The following BIN1 variants were observed in gnomAD, a reference collection of about 807,000 sequenced individuals.
BIN1 encodes bridging integrator 1, also known as myc box-dependent-interacting protein 1.
Under a neutral mutation model 82.0 loss-of-function variants are expected in BIN1, and 53 were observed. The ratio of observed to expected loss-of-function variants is 0.65; its 90% CI spans 0.52 to 0.81. The LOEUF (loss-of-function observed/expected upper bound fraction) is 0.81. Among genes scored for constraint, BIN1 ranks in the 40% least tolerant of loss-of-function variants. The pLI is 0.00. For synonymous variants in BIN1, 302 were observed against 328.0 expected, an observed-to-expected ratio of 0.92 and a Z score of 0.86; for missense variants, 642 against 784.4, an observed-to-expected ratio of 0.82 and a Z score of 2.17.
At chr2:127,072,454 C>T (rs1367108868) in intron 2 of BIN1, among the ~76,000 whole-genome samples, 2 of 152,224 alleles carry the variant, frequency 1.3e-5, no homozygotes, top group Non-Finnish European at 2.9e-5. Flanking sequence ...CCCTCCAAGC[C>T]TGGGCACGCA....
chr2:127,072,428 C>T lies in BIN1; in HGVS notation c.166-1612G>A, dbSNP rs572763608. On this transcript the variant is annotated intron_variant, in intron 2 of 18. Transcript: ENST00000316724. ...CGACCGGCCCAGTCACACAGAGACT[C>T]GGAGAGCCCATGAGACCCTCCAAGC... Among the ~76,000 whole-genome samples the T allele has an allele frequency of 5.7e-4, 87 of 152,292 alleles. No individual in the cohort carries two copies. The South Asian group carries it at 0.016, about 28-fold the overall frequency.
intron 18 of BIN1, 184 bp downstream of exon 18, chr2:127,050,237 G>A: frequency 1.5e-6 from 1 of 656,120 alleles, no homozygotes; most frequent in Non-Finnish European, 2.8e-6. Flanking sequence ...GCCAAGGGAA[G>A]GGAGAGGAGA....
At chr2:127,085,271 G>A (rs996289728) in intron 1 of BIN1, among the ~76,000 whole-genome samples, 7 of 152,150 alleles carry the variant, frequency 4.6e-5, no homozygotes, top group Non-Finnish European at 1.0e-4. Context: ...CAGGAAGCAA[G>A]CCCAGAACAC....
intron 16 of BIN1, 28 bp from the exon 17 acceptor site, chr2:127,050,940 G>T: frequency 6.2e-7 from 1 of 1,607,422 alleles, no homozygotes; most frequent in Non-Finnish European, 8.5e-7. Context: ...GGTCAGCTGA[G>T]CAGGGAGGTG....
At chr2:127,053,771 G>T in intron 13 of BIN1, 134 bp downstream of exon 13, 1 of 875,396 alleles carries the variant, frequency 1.1e-6, no homozygotes, top group Non-Finnish European at 1.8e-6. Flanking sequence ...GGTGATGAGG[G>T]CTGAAGGCTG....
At chr2:127,073,880 G>A (rs1686246731) in intron 2 of BIN1, among the ~76,000 whole-genome samples, 1 of 152,162 alleles carries the variant, frequency 6.6e-6, no homozygotes, top group Non-Finnish European at 1.5e-5. Context: ...CAGTACTCTG[G>A]GGGAGGGGCA....
chr2:127,048,738 G>A (rs1682493681), intron 18 of BIN1, 105 bp from the exon 19 acceptor site: 1 of 1,083,728 alleles, frequency 9.2e-7, no homozygotes, highest in Non-Finnish European at 1.4e-6. Context: ...TCCTCCTGCT[G>A]TTGGTGCCTC....
Position 127,068,394 on chromosome 2 carries a change from C to A in BIN1, c.520-139G>T. 4.7e-6 allele frequency: 3 copies of A among 641,124 alleles called. No individual in the cohort carries two copies. In the South Asian group the frequency reaches 5.8e-5, roughly 12 times the overall value. The allele number at this position is 641,124 out of a possible 1,614,324, so 39.7% of individuals were successfully genotyped here. On this transcript the variant is annotated intron_variant, in intron 6 of 18. Transcript: ENST00000316724. This position sits in a 1 kb window ranked among gnomAD's most constrained non-coding sequence, Gnocchi z 4.9. ...CCCAAGCAGATATGGGCCCTTGAGG[C>A]CGAGAGAATTAGGGGGAGCCCGGGG...
At chr2:127,071,252 C>T (rs1685856166) in intron 2 of BIN1, among the ~76,000 whole-genome samples, 1 of 152,184 alleles carries the variant, frequency 6.6e-6, no homozygotes, top group Non-Finnish European at 1.5e-5. Context: ...CACCAGGCCC[C>T]CTGCTCCACA....
In BIN1 at chr2:127,051,288, C is replaced by T. The variant is rs989126737; in HGVS notation, c.1372-45G>A. The T allele has an allele frequency of 6.3e-6, 10 of 1,598,460 alleles. No homozygotes were observed. In the African/African-American group the frequency reaches 1.3e-4, roughly 21 times the overall value. ...TTGGGGTCAGACACAGGACAGGACA[C>T]AGCCAGGACACAGGAAACAGGCCAC... On this transcript the variant is annotated intron_variant, in intron 15 of 18. Coordinates refer to ENST00000316724, the MANE Select transcript of BIN1 (RefSeq NM_139343.3).
At chr2:127,087,812 T>A (rs1678382711) in intron 1 of BIN1, among the ~76,000 whole-genome samples, 1 of 152,070 alleles carries the variant, frequency 6.6e-6, no homozygotes, top group African/African-American at 2.4e-5. Context: ...CCCCACCACC[T>A]TCCAACCAGG....
intron 15 of BIN1, among the ~76,000 whole-genome samples, chr2:127,052,045 G>A (rs1446000709): frequency 6.6e-6 from 1 of 152,228 alleles, no homozygotes; most frequent in Admixed American, 6.5e-5. Context: ...TGGGCAAGCA[G>A]GAGGGGCTGA....
chr2:127,094,530 G>A (rs1207445867), intron 1 of BIN1, among the ~76,000 whole-genome samples: 2 of 133,710 alleles, frequency 1.5e-5, no homozygotes, highest in African/African-American at 2.7e-5. Context: ...CAGGAGGCCA[G>A]TGCAACCTGG....
Position 127,048,479 on chromosome 2 carries a change from GGGA to G in BIN1, c.*44_*46del, listed in dbSNP as rs1558787232. Reference sequence around the variant, plus strand: ...CAAAAAAAAGAACCACACATTTTTCGGGAGGAGGTGTTCTTCACACGCCCGGAG... The same window carrying G: ...CAAAAAAAAGAACCACACATTTTTCGGGAGGTGTTCTTCACACGCCCGGAG... On this transcript the variant is annotated 3_prime_UTR_variant, in exon 19 of 19. Coordinates refer to ENST00000316724, the MANE Select transcript of BIN1 (RefSeq NM_139343.3). The G allele has an allele frequency of 1.3e-6, 2 of 1,528,936 alleles. No individual in the cohort carries two copies. The highest frequency in any genetic ancestry group is 2.2e-5 in the South Asian group (2 of 89,128). The allele number at this position is 1,528,936 out of a possible 1,614,324, so 94.7% of individuals were successfully genotyped here.
At position 127,057,982 on chromosome 2, in the gene BIN1, G is replaced by A. The variant is rs946591023; in HGVS notation, c.1003-381C>T. Among the ~76,000 whole-genome samples the A allele has an allele frequency of 3.9e-5, 6 of 152,152 alleles. No homozygotes were observed. Among genetic ancestry groups the A allele is most frequent in the East Asian group, 1.9e-4 (1 of 5,184 alleles). ...GAGAAGACTGGGGAAGCAAACAGTC[G>A]TTGAGAGACAGCCGGGCCCCAGCCT... is the stretch of plus-strand genomic sequence containing the variant. On this transcript the variant is annotated intron_variant, in intron 11 of 18. Transcript: ENST00000316724. The surrounding 1 kb of genome is among the most constrained non-coding windows in gnomAD (Gnocchi z 5.0).
intron 1 of BIN1, among the ~76,000 whole-genome samples, chr2:127,100,700 C>T (rs865858965): frequency 6.6e-6 from 1 of 152,218 alleles, no homozygotes; most frequent in East Asian, 1.9e-4. Context: ...GGCTCCCCAG[C>T]CCTGACCCCT....
At chr2:127,070,115 T>A in intron 4 of BIN1, 25 bp from the exon 5 acceptor site, 1 of 1,607,600 alleles carries the variant, frequency 6.2e-7, no homozygotes, top group African/African-American at 1.3e-5. Flanking sequence ...AGCACGACAG[T>A]GCCACCAGGA....
chr2:127,079,472 G>A (rs902509909), intron 1 of BIN1, among the ~76,000 whole-genome samples: 25 of 152,204 alleles, frequency 1.6e-4, no homozygotes, highest in African/African-American at 5.8e-4. Context: ...CCGGGTCCAG[G>A]CTGACGGCAT....
At position 127,089,013 on chromosome 2, in the gene BIN1, C is replaced by T. The variant is rs371083811; in HGVS notation, c.85-12307G>A. Among the ~76,000 whole-genome samples the T allele has an allele frequency of 9.9e-5, 15 of 152,184 alleles. No homozygotes were observed. In the South Asian group the frequency reaches 1.9e-3, roughly 19 times the overall value. On this transcript the variant is annotated intron_variant, in intron 1 of 18. Transcript: ENST00000316724. ...GGGAGGACCAGGAGGCCCTGAAACA[C>T]CAGGTGCCAGGCTTCATGCTGAGCC...
Sources: allele counts gnomAD v4.1 joint callset (sites outside exome capture counted in the v4.1 genomes callset), GRCh38; gene constraint gnomAD v4.1.1; non-coding constraint Gnocchi (gnomAD v3.1); transcripts MANE v1.5; gene names NCBI Gene and HGNC (gene_info 2026-07-23, HGNC 2026-07-21).